Variants in HSD17B12 observed in about 807,000 individuals in gnomAD.
HSD17B12 encodes hydroxysteroid 17-beta dehydrogenase 12.
Under a neutral mutation model 39.3 loss-of-function variants are expected in HSD17B12, and 32 were observed. That is an observed-to-expected ratio of 0.81 (90% CI 0.61 to 1.09). The LOEUF is 1.09. Ranked by LOEUF, HSD17B12 falls within the 50% of genes least tolerant of loss-of-function variation. HSD17B12 has a pLI of 0.00. For synonymous variants in HSD17B12, 150 were observed against 146.7 expected, an observed-to-expected ratio of 1.02 and a Z score of -0.16; for missense variants, 342 against 382.9, an observed-to-expected ratio of 0.89 and a Z score of 0.89.
At chr11:43,618,611 G>C in the HSD17B12 span, among the ~76,000 whole-genome samples, 1 of 152,098 alleles carries the variant, frequency 6.6e-6, no homozygotes, top group African/African-American at 2.4e-5. Flanking sequence ...CTGAAGGGTT[G>C]GTTAAATATT....
chr11:43,705,952 A>G (rs903813038), intron 1 of HSD17B12, among the ~76,000 whole-genome samples: 3 of 151,776 alleles, frequency 2.0e-5, no homozygotes, highest in Non-Finnish European at 2.9e-5. Flanking sequence ...TTGTAGAGAC[A>G]GGGTTTCACT....
the HSD17B12 span, among the ~76,000 whole-genome samples, chr11:43,625,410 G>A: frequency 6.6e-6 from 1 of 151,232 alleles, no homozygotes; most frequent in African/African-American, 2.4e-5. Context: ...CAATTTTTTT[G>A]TATTTTCAGA....
At chr11:43,557,694 G>A in the HSD17B12 span, among the ~76,000 whole-genome samples, 3 of 152,182 alleles carry the variant, frequency 2.0e-5, no homozygotes, top group Non-Finnish European at 4.4e-5. Context: ...CGCCTGAAAA[G>A]GCTCCTGACA....
chr11:43,557,379 G>C, the HSD17B12 span, among the ~76,000 whole-genome samples: 4 of 152,154 alleles, frequency 2.6e-5, no homozygotes, highest in African/African-American at 7.2e-5. Context: ...TTCCAAAAAG[G>C]CTTCATGAAG....
chr11:43,808,598 A>G (rs1313771372), intron 4 of HSD17B12, among the ~76,000 whole-genome samples: 11 of 152,202 alleles, frequency 7.2e-5, no homozygotes, highest in Admixed American at 1.3e-4. Context: ...ACCTCATGTC[A>G]TCTTTCTTCA....
chr11:43,663,759 G>A, the HSD17B12 span, among the ~76,000 whole-genome samples: 24 of 152,312 alleles, frequency 1.6e-4, no homozygotes, highest in Admixed American at 4.6e-4. Context: ...GCATGTTTAC[G>A]TACAGGGTGC....
the HSD17B12 span, among the ~76,000 whole-genome samples, chr11:43,666,903 A>G: frequency 3.8e-4 from 58 of 152,300 alleles, no homozygotes; most frequent in Non-Finnish European, 6.5e-4. Context: ...GCCCAAATGA[A>G]ATGAGGACGA....
intron 3 of HSD17B12, among the ~76,000 whole-genome samples, chr11:43,773,560 G>C (rs909051969): frequency 1.3e-5 from 2 of 152,116 alleles, no homozygotes; most frequent in Non-Finnish European, 2.9e-5. Flanking sequence ...TTGTTTCTTA[G>C]AGTAGTTTGA....
At position 43,816,404 on chromosome 11, in the gene HSD17B12, G is replaced by T. The variant is rs1320256434; in HGVS notation, c.501+13G>T. ...TTCTGTTTGTAAGGTAAGCATCCTT[G>T]TTATAAAGATGTCATCCTTTTTTGG... On this transcript the variant is annotated intron_variant, in intron 6 of 10. Coordinates refer to ENST00000278353, the MANE Select transcript of HSD17B12 (RefSeq NM_016142.3). 1.3e-6 allele frequency: 2 copies of T among 1,513,700 alleles called. No homozygotes were observed. Among genetic ancestry groups the T allele is most frequent in the Non-Finnish European group, 1.8e-6 (2 of 1,122,168 alleles). The allele number at this position is 1,513,700 out of a possible 1,614,324, so 93.8% of individuals were successfully genotyped here.
At chr11:43,700,195 T>G (rs1426335466) in intron 1 of HSD17B12, among the ~76,000 whole-genome samples, 2 of 152,020 alleles carry the variant, frequency 1.3e-5, no homozygotes, top group Admixed American at 6.6e-5. Context: ...AAGTCCTAAT[T>G]TATTTATTTA....
chr11:43,750,557 A>G (rs7128506), intron 1 of HSD17B12, among the ~76,000 whole-genome samples: 4,427 of 152,216 alleles, frequency 0.029, 236 homozygotes, highest in African/African-American at 0.1. Flanking sequence ...TTTGGGGTAG[A>G]CATTAATGCA....
chr11:43,668,433 C>T, the HSD17B12 span, among the ~76,000 whole-genome samples: 28,775 of 152,026 alleles, frequency 0.19, 3,054 homozygotes, highest in Middle Eastern at 0.28. Context: ...TCTGGGTAAC[C>T]GCCCACCTCA....
chr11:43,560,129 A>G, the HSD17B12 span, among the ~76,000 whole-genome samples: 1 of 152,214 alleles, frequency 6.6e-6, no homozygotes, highest in Non-Finnish European at 1.5e-5. Flanking sequence ...TGCCAGTTGT[A>G]AATGTAAACA....
intron 1 of HSD17B12, among the ~76,000 whole-genome samples, chr11:43,682,943 C>T (rs1949763582): frequency 6.6e-6 from 1 of 151,826 alleles, no homozygotes; most frequent in Non-Finnish European, 1.5e-5. Context: ...AGGTGTGCAT[C>T]ACCACACCAG....
chr11:43,717,526 G>C (rs1950135006), intron 1 of HSD17B12, among the ~76,000 whole-genome samples: 1 of 152,114 alleles, frequency 6.6e-6, no homozygotes, highest in African/African-American at 2.4e-5. Flanking sequence ...CGGAGTTTGG[G>C]CAGGGCTTAT....
intron 6 of HSD17B12, among the ~76,000 whole-genome samples, chr11:43,826,126 A>C (rs1762236664): frequency 6.7e-6 from 1 of 148,154 alleles, no homozygotes; most frequent in South Asian, 2.1e-4. Context: ...TCTGTCGCCA[A>C]GGCTGGAGTG....
At chr11:43,598,449 T>A in the HSD17B12 span, among the ~76,000 whole-genome samples, 109 of 152,228 alleles carry the variant, frequency 7.2e-4, 1 homozygote, top group South Asian at 0.016. Context: ...GCTGATTCGC[T>A]CTTCTTGCAT....
At chr11:43,736,431 T>C (rs1247864898) in intron 1 of HSD17B12, among the ~76,000 whole-genome samples, 3 of 151,286 alleles carry the variant, frequency 2.0e-5, no homozygotes, top group Admixed American at 6.6e-5. Flanking sequence ...GAGTAAAGAG[T>C]CGAAGAGAGG....
chr11:43,599,018 A>G, the HSD17B12 span, among the ~76,000 whole-genome samples: 3 of 152,212 alleles, frequency 2.0e-5, no homozygotes, highest in African/African-American at 4.8e-5. Flanking sequence ...GGACAATATC[A>G]TAGTTGAGGA....
Sources: allele counts gnomAD v4.1 joint callset (sites outside exome capture counted in the v4.1 genomes callset), GRCh38; gene constraint gnomAD v4.1.1; transcripts MANE v1.5; gene names NCBI Gene and HGNC (gene_info 2026-07-23, HGNC 2026-07-21).